The following KLHL12 variants were observed in gnomAD, a reference collection of about 807,000 sequenced individuals.
KLHL12 encodes the protein kelch like family member 12.
Under a neutral mutation model 60.8 loss-of-function variants are expected in KLHL12, and 17 were observed. The ratio of observed to expected loss-of-function variants is 0.28; its 90% CI spans 0.19 to 0.42. The LOEUF (loss-of-function observed/expected upper bound fraction) is 0.42. Ranked by LOEUF, KLHL12 falls within the 10% of genes least tolerant of loss-of-function variation. The probability of loss-of-function intolerance (pLI) is 1.00; values close to 1 mark genes in which losing one functional copy is unlikely to be tolerated. For synonymous variants in KLHL12, 220 were observed against 250.9 expected (o/e 0.88, Z 1.16); for missense variants, 468 against 722.3 (o/e 0.65, Z 4.04).
At chr1:202,926,002 G>A (rs539299735) in intron 1 of KLHL12, among the ~76,000 whole-genome samples, 25 of 151,760 alleles carry the variant, frequency 1.6e-4, no homozygotes, top group African/African-American at 5.8e-4. Context: ...CTACCAAGAA[G>A]GCTGAGGCCC....
intron 6 of KLHL12, 69 bp from the exon 7 acceptor site, chr1:202,897,029 G>A (rs1659855939): frequency 8.7e-7 from 1 of 1,145,904 alleles, no homozygotes; most frequent in Admixed American, 1.7e-5. Context: ...TCACAGGGAA[G>A]TGTCAACAGA....
rs78493288 is a variant in KLHL12, at chr1:202,905,175, T to C, written c.832+3835A>G. On this transcript the variant is annotated intron_variant, in intron 6 of 11. Transcript: ENST00000367261. ...ACTATGAAGATATATAGATTTATAGTTTAATCCCTTAAGGTCAGGGCAATA... is the reference window on the plus strand; with the variant it reads ...ACTATGAAGATATATAGATTTATAGCTTAATCCCTTAAGGTCAGGGCAATA... Among the ~76,000 whole-genome samples the C allele has an allele frequency of 9.2e-3, 1,405 of 152,296 alleles. 25 individuals are homozygous for C. The highest frequency in any genetic ancestry group is 0.032 in the African/African-American group (1,329 of 41,546).
chr1:202,926,828 G>A (rs545870756), intron 1 of KLHL12, among the ~76,000 whole-genome samples: 2 of 152,288 alleles, frequency 1.3e-5, no homozygotes, highest in South Asian at 4.1e-4. Context: ...TTCTAGAGAA[G>A]GAAACGAAGT....
rs901748802 is a variant in KLHL12, at chr1:202,895,300, G to A, written c.1135+222C>T. ...CCCAGCTACTCAGGAAGCTGAGGTG[G>A]GAGGATCGCTTGAGCTTGGGGAGGT... is the stretch of plus-strand genomic sequence containing the variant. On this transcript the variant is annotated intron_variant, in intron 8 of 11. Transcript: ENST00000367261. This position sits in a 1 kb window ranked among gnomAD's most constrained non-coding sequence, Gnocchi z 4.2. Among the ~76,000 whole-genome samples, 7 of 152,112 alleles carry A rather than the reference G, an allele frequency of 4.6e-5. No individual in the cohort carries two copies. Among genetic ancestry groups the A allele is most frequent in the Non-Finnish European group, 8.8e-5 (6 of 68,020 alleles).
intron 6 of KLHL12, among the ~76,000 whole-genome samples, chr1:202,905,614 C>T (rs1230531814): frequency 1.3e-5 from 2 of 152,214 alleles, no homozygotes; most frequent in African/African-American, 4.8e-5. Context: ...ACAAGAAGCG[C>T]TACAGATTTC....
chr1:202,903,629 C>CTTTTTTTTCTTTTT (rs1553236588), intron 6 of KLHL12, among the ~76,000 whole-genome samples: 2 of 76,092 alleles, frequency 2.6e-5, no homozygotes, highest in Admixed American at 2.1e-4. Context: ...TTTTTCTTTT[C>CTTTTTTTTCTTTTT]TTTTTTTTTT....
At chr1:202,922,516 T>C (rs546809295) in intron 2 of KLHL12, among the ~76,000 whole-genome samples, 4 of 150,466 alleles carry the variant, frequency 2.7e-5, no homozygotes, top group Admixed American at 6.6e-5. Flanking sequence ...AGACAGAGTC[T>C]CGCTCTGTCA....
At chr1:202,925,660 CAATA>C (rs1367548977) in intron 1 of KLHL12, among the ~76,000 whole-genome samples, 1 of 152,046 alleles carries the variant, frequency 6.6e-6, no homozygotes, top group Non-Finnish European at 1.5e-5. Context: ...AGAAGTTGCA[CAATA>C]AATGTTTAGA....
intron 6 of KLHL12, among the ~76,000 whole-genome samples, chr1:202,901,006 G>A (rs762794430): frequency 2.6e-5 from 4 of 151,734 alleles, no homozygotes; most frequent in Admixed American, 2.6e-4. Context: ...AGATCATGCC[G>A]CTACACTCCA....
chr1:202,918,411 A>C (rs937071461), intron 3 of KLHL12, 23 bp from the exon 4 acceptor site: 3 of 1,569,600 alleles, frequency 1.9e-6, no homozygotes, highest in African/African-American at 2.7e-5. Context: ...CAGGCAGCAA[A>C]CACTTTAGAA....
At chr1:202,920,920 C>G (rs182434629) in intron 2 of KLHL12, among the ~76,000 whole-genome samples, 138 of 152,286 alleles carry the variant, frequency 9.1e-4, no homozygotes, top group African/African-American at 3.2e-3. Flanking sequence ...CACAATATTT[C>G]AAAGAAATTT....
At position 202,892,335 on chromosome 1, in the gene KLHL12, TCTG is replaced by T. The variant is rs201067798; in HGVS notation, c.*195_*197del. The T allele has an allele frequency of 0.56, 309,426 of 553,298 alleles. 89,447 individuals are homozygous for T. Among genetic ancestry groups the T allele is most frequent in the Non-Finnish European group, 0.61 (197,446 of 321,724 alleles). 34.3% of individuals were successfully genotyped at this position (553,298 alleles called of 1,614,324 possible). A position where few individuals can be genotyped will look rare whatever the true frequency, so the allele number is the denominator to read the frequency against. Reference sequence around the variant, plus strand: ...AATGTGCATTCTTTTTCCTGGAATATCTGTTACCCACCCTTCTCAGGAACAAGA... The same window carrying T: ...AATGTGCATTCTTTTTCCTGGAATATTTACCCACCCTTCTCAGGAACAAGA... On this transcript the variant is annotated 3_prime_UTR_variant, in exon 12 of 12. Transcript: ENST00000367261.
At chr1:202,912,192 C>T in intron 4 of KLHL12, 1 of 941,946 alleles carries the variant, frequency 1.1e-6, no homozygotes, top group Non-Finnish European at 1.7e-6. Context: ...ATAATTTGAA[C>T]AGTTTGGAAA....
rs770884383 is a variant in KLHL12, at chr1:202,894,293, G to C, written c.1295-11C>G. ...AGCCGTCATATCCTCCTGGAAGACA[G>C]AGACCATTCCAGAAAGAGTGGTAAA... On this transcript the variant is annotated splice_polypyrimidine_tract_variant and intron_variant, in intron 9 of 11. Coordinates refer to ENST00000367261, the MANE Select transcript of KLHL12 (RefSeq NM_021633.4). 1.3e-6 allele frequency: 2 copies of C among 1,520,422 alleles called. No homozygotes were observed. The highest frequency in any genetic ancestry group is 1.8e-6 in the Non-Finnish European group (2 of 1,117,426). The allele number at this position is 1,520,422 out of a possible 1,614,324, so 94.2% of individuals were successfully genotyped here.
At chr1:202,928,002 A>G (rs1222686838), upstream of KLHL12, among the ~76,000 whole-genome samples, 2 of 138,318 alleles carry the variant, frequency 1.4e-5, no homozygotes, top group African/African-American at 2.7e-5. Flanking sequence ...AAAAAAGGCC[A>G]GGCGAGGTGG....
chr1:202,905,657 ATTT>A (rs1660158499), intron 6 of KLHL12, among the ~76,000 whole-genome samples: 2 of 152,190 alleles, frequency 1.3e-5, no homozygotes, highest in Admixed American at 1.3e-4. Flanking sequence ...TATCTGCATT[ATTT>A]CTTTGCACAA....
At position 202,925,086 on chromosome 1, in the gene KLHL12, AG is replaced by A; in HGVS notation, c.76del (p.Leu26SerfsTer10). The A allele has an allele frequency of 6.2e-7, 1 of 1,614,114 alleles. No homozygotes were observed. The highest frequency in any genetic ancestry group is 8.5e-7 in the Non-Finnish European group (1 of 1,180,034). ...AKSILNSMNS[L>X]RKSNTLCDVT... ...ATCACAGAGGGTATTGCTCTTCCTG[AG>A]GGAGTTCATTGAATTGAGGATGGAT... On this transcript the variant is annotated frameshift_variant, in exon 2 of 12. Coordinates refer to ENST00000367261, the MANE Select transcript of KLHL12 (RefSeq NM_021633.4). LOFTEE classifies it high-confidence loss of function.
intron 4 of KLHL12, chr1:202,911,918 A>G (rs1660374583): frequency 1.8e-5 from 15 of 818,404 alleles, no homozygotes; most frequent in Non-Finnish European, 1.7e-5. Flanking sequence ...AGCTATTTTG[A>G]GCAATGGGGA....
chr1:202,915,703 G>A (rs1312851836), intron 4 of KLHL12, among the ~76,000 whole-genome samples: 4 of 152,176 alleles, frequency 2.6e-5, no homozygotes, highest in Non-Finnish European at 4.4e-5. Context: ...CAGACTACTC[G>A]AATTTGAAAC....
Sources: gnomAD v4.1 joint callset for allele counts (sites outside exome capture counted in the v4.1 genomes callset) on GRCh38, gnomAD v4.1.1 for gene constraint, Gnocchi (gnomAD v3.1) non-coding constraint, MANE v1.5 for transcripts, NCBI Gene and HGNC (gene_info 2026-07-23, HGNC 2026-07-21) for gene names.